Variants in ZFPM2 observed in about 807,000 individuals in gnomAD.
The protein encoded by ZFPM2 is zinc finger protein ZFPM2.
In ZFPM2, 20 loss-of-function variants were observed where a neutral mutation model predicts 98.6. The observed-to-expected ratio is 0.20, with a 90% CI of 0.14 to 0.29. The LOEUF is 0.29. Ranked by LOEUF, ZFPM2 falls within the 10% of genes least tolerant of loss-of-function variation. The pLI is 1.00. For missense variants in ZFPM2, 1,310 were observed against 1,388.6 expected, an observed-to-expected ratio of 0.94 and a Z score of 0.90; for synonymous variants, 518 against 502.7, an observed-to-expected ratio of 1.03 and a Z score of -0.41.
rs749290132 is a variant in ZFPM2 at position 105,419,227 on chromosome 8, T to C, written c.124T>C (p.Leu42=). 5.1e-5 allele frequency: 83 copies of C among 1,613,502 alleles called. No homozygotes were observed. The highest frequency in any genetic ancestry group is 1.6e-4 in the Middle Eastern group (1 of 6,084). The change falls in exon 2 of 8, where the codon TTG becomes CTG. Residue 42 remains leucine (L), a synonymous_variant. Coordinates refer to ENST00000407775, the MANE Select transcript of ZFPM2 (RefSeq NM_012082.4). The part of the protein sequence containing the change: ...TDIISKGDFP[L]EESFSTEFGP... Reference sequence around the variant, plus strand: ...CATCATCTCCAAAGGAGACTTTCCATTGGAGGAAAGCTTTTCCACAGAATT... The same window carrying C: ...CATCATCTCCAAAGGAGACTTTCCACTGGAGGAAAGCTTTTCCACAGAATT...
intron 1 of ZFPM2, among the ~76,000 whole-genome samples, chr8:105,372,004 A>AATT (rs139489210): frequency 0.034 from 5,002 of 145,630 alleles, 85 homozygotes; most frequent in South Asian, 0.049. Flanking sequence ...AAAATAGTGA[A>AATT]ATTATTATTA....
At chr8:105,754,991 C>A (rs181351703) in intron 5 of ZFPM2, among the ~76,000 whole-genome samples, 1 of 150,350 alleles carries the variant, frequency 6.7e-6, no homozygotes, top group African/African-American at 2.5e-5. Flanking sequence ...TGTGCACGTG[C>A]GCATGTGCGC....
rs1244909218 is a variant in ZFPM2, at chr8:105,499,142, C to A, written c.301+54761C>A. Among the ~76,000 whole-genome samples the A allele has an allele frequency of 3.3e-5, 5 of 152,050 alleles. No individual in the cohort carries two copies. The East Asian group carries it at 7.8e-4, about 24-fold the overall frequency. ...TGGTGTTCCCCACCCTTAGCCCTTC[C>A]CTCCTGCCCTGACATCTGCCTGCTG... On this transcript the variant is annotated intron_variant, in intron 3 of 7. Coordinates refer to ENST00000407775, the MANE Select transcript of ZFPM2 (RefSeq NM_012082.4).
At position 105,795,246 on chromosome 8, in the gene ZFPM2, T is replaced by TTGTGTGTGTGTGTGTG. The variant is rs780534248; in HGVS notation, c.740-3455_740-3440dup. 1.9e-3 allele frequency among the ~76,000 whole-genome samples: 257 copies of TTGTGTGTGTGTGTGTG among 138,318 alleles called. 1 individual carries two copies. Among genetic ancestry groups the TTGTGTGTGTGTGTGTG allele is most frequent in the African/African-American group, 5.0e-3 (182 of 36,372 alleles). 90.7% of individuals were successfully genotyped at this position (138,318 alleles called of 152,430 possible). The stretch of plus-strand genomic sequence containing the variant: ...TTGGCTCCTCCCCCTCATTTTATCT[T>TTGTGTGTGTGTGTGTG]TGTGTGTGTGTGTGTGTGTGTGTGT... On this transcript the variant is annotated intron_variant, in intron 6 of 7. Coordinates refer to ENST00000407775, the MANE Select transcript of ZFPM2 (RefSeq NM_012082.4).
intron 3 of ZFPM2, among the ~76,000 whole-genome samples, chr8:105,471,682 A>G (rs1460582927): frequency 1.3e-5 from 2 of 152,138 alleles, no homozygotes; most frequent in Non-Finnish European, 2.9e-5. Flanking sequence ...AACCTTTTAC[A>G]TCCTCTCCAA....
intron 5 of ZFPM2, chr8:105,676,044 T>A (rs1332370258): frequency 6.6e-6 from 1 of 152,196 alleles, no homozygotes; most frequent in Non-Finnish European, 1.5e-5. Flanking sequence ...TACAGATGTC[T>A]AAATTATAGG....
At chr8:105,708,108 T>C (rs1811303261) in intron 5 of ZFPM2, among the ~76,000 whole-genome samples, 1 of 152,160 alleles carries the variant, frequency 6.6e-6, no homozygotes, top group Non-Finnish European at 1.5e-5. Context: ...AGTTTTGACT[T>C]TCTCTAATTA....
In ZFPM2 at chr8:105,636,585, C is replaced by T. The variant is rs1586165584; in HGVS notation, c.532+2228C>T. ...TGTGATGGCTTGCCTCTTTAATCTA[C>T]TCTATATTTACTGAGGGCACAGATT... On this transcript the variant is annotated intron_variant, in intron 5 of 7. Coordinates refer to ENST00000407775, the MANE Select transcript of ZFPM2 (RefSeq NM_012082.4). 2.0e-5 allele frequency among the ~76,000 whole-genome samples: 3 copies of T among 152,274 alleles called. 1 individual carries two copies. The highest frequency in any genetic ancestry group is 4.1e-4 in the South Asian group (2 of 4,830).
chr8:105,797,533 A>ACTT (rs1813868973), intron 6 of ZFPM2, among the ~76,000 whole-genome samples: 1 of 152,084 alleles, frequency 6.6e-6, no homozygotes, highest in African/African-American at 2.4e-5. Flanking sequence ...AAAATCTAAA[A>ACTT]CTTGTTGAGA....
chr8:105,384,153 A>G (rs1301770917), intron 1 of ZFPM2, among the ~76,000 whole-genome samples: 1 of 152,174 alleles, frequency 6.6e-6, no homozygotes, highest in Non-Finnish European at 1.5e-5. Context: ...CCATTCTGCC[A>G]GCCCTCCACA....
At chr8:105,650,242 T>C (rs1465978992) in intron 5 of ZFPM2, among the ~76,000 whole-genome samples, 1 of 152,168 alleles carries the variant, frequency 6.6e-6, no homozygotes, top group Non-Finnish European at 1.5e-5. Context: ...TCACTTTTTA[T>C]TGTGTCTATT....
intron 3 of ZFPM2, among the ~76,000 whole-genome samples, chr8:105,469,262 C>T (rs1278322458): frequency 6.6e-6 from 1 of 152,130 alleles, no homozygotes; most frequent in Admixed American, 6.6e-5. Flanking sequence ...AGAGTGCTCA[C>T]TCTTAAGTTA....
intron 2 of ZFPM2, among the ~76,000 whole-genome samples, chr8:105,421,244 AT>A (rs942882990): frequency 1.3e-5 from 2 of 152,058 alleles, no homozygotes; most frequent in Non-Finnish European, 2.9e-5. Context: ...ATTATTATTA[AT>A]TTTTTTATAA....
intron 3 of ZFPM2, among the ~76,000 whole-genome samples, chr8:105,543,791 G>T (rs1012073719): frequency 5.9e-5 from 9 of 151,898 alleles, no homozygotes; most frequent in African/African-American, 2.2e-4. Flanking sequence ...TTTTATTCCA[G>T]GCGTAATACT....
intron 1 of ZFPM2, among the ~76,000 whole-genome samples, chr8:105,340,830 A>G (rs1339374133): frequency 6.6e-6 from 1 of 151,974 alleles, no homozygotes; most frequent in Non-Finnish European, 1.5e-5. Context: ...GTGCAATGCA[A>G]TTTCAGATTG....
intron 4 of ZFPM2, among the ~76,000 whole-genome samples, chr8:105,605,905 C>T (rs1586145009): frequency 6.6e-6 from 1 of 152,146 alleles, no homozygotes; most frequent in Middle Eastern, 3.4e-3. Context: ...ATGAGCTCTT[C>T]GTTTATCCTC....
intron 2 of ZFPM2, among the ~76,000 whole-genome samples, chr8:105,425,196 T>C (rs776406786): frequency 6.6e-6 from 1 of 152,052 alleles, no homozygotes; most frequent in Non-Finnish European, 1.5e-5. Context: ...AGGAACAGAA[T>C]TGTGGAAAGA....
intron 3 of ZFPM2, among the ~76,000 whole-genome samples, chr8:105,513,456 A>G (rs1813856312): frequency 6.6e-6 from 1 of 152,188 alleles, no homozygotes; most frequent in African/African-American, 2.4e-5. Context: ...CCTTTCTTTC[A>G]GATCTCATGT....
intron 3 of ZFPM2, among the ~76,000 whole-genome samples, chr8:105,508,996 C>G (rs191697298): frequency 6.6e-6 from 1 of 152,036 alleles, no homozygotes; most frequent in Non-Finnish European, 1.5e-5. Context: ...ACATTGAAAT[C>G]ACATTATGCG....
Sources: gnomAD v4.1 joint callset for allele counts (sites outside exome capture counted in the v4.1 genomes callset) on GRCh38, gnomAD v4.1.1 for gene constraint, MANE v1.5 for transcripts, NCBI Gene and HGNC (gene_info 2026-07-23, HGNC 2026-07-21) for gene names.